The following ZNF610 variants were observed in gnomAD, a reference collection of about 807,000 sequenced individuals.
ZNF610 encodes zink finger protein.
A neutral mutation model predicts 14.1 loss-of-function variants in ZNF610; 14 were observed. The observed-to-expected ratio is 0.99, with a 90% CI of 0.65 to 1.55. The LOEUF (loss-of-function observed/expected upper bound fraction) is 1.55. Ranked by LOEUF, ZNF610 falls within the 40% of genes most tolerant of loss-of-function variation. The pLI, the probability that ZNF610 is intolerant of heterozygous loss-of-function variation, is 0.00. For synonymous variants in ZNF610, 185 were observed against 187.6 expected (o/e 0.99, Z 0.11); for missense variants, 530 against 558.0 (o/e 0.95, Z 0.51).
intron 1 of ZNF610, among the ~76,000 whole-genome samples, chr19:52,344,562 G>T (rs922837888): frequency 1.3e-5 from 2 of 152,116 alleles, no homozygotes; most frequent in African/African-American, 4.8e-5. Flanking sequence ...CATCTCTTGT[G>T]CCTCCTTACA....
At chr19:52,334,454 A>C (rs1381020830), upstream of ZNF610, among the ~76,000 whole-genome samples, 1 of 149,264 alleles carries the variant, frequency 6.7e-6, no homozygotes, top group East Asian at 2.0e-4. Context: ...TGGAGGTTGC[A>C]GTGAGCTGAG....
At chr19:52,353,108 T>C (rs2122230407) in intron 3 of ZNF610, among the ~76,000 whole-genome samples, 1 of 152,200 alleles carries the variant, frequency 6.6e-6, no homozygotes, top group African/African-American at 2.4e-5. Flanking sequence ...CTGGCTAATT[T>C]TTTGTATTTT....
At chr19:52,356,277 G>T (rs1012201752) in intron 5 of ZNF610, among the ~76,000 whole-genome samples, 2 of 152,210 alleles carry the variant, frequency 1.3e-5, no homozygotes, top group Non-Finnish European at 2.9e-5. Context: ...ACTCAGCTGA[G>T]TGGGGCAGAT....
chr19:52,367,131 CT>C lies in ZNF610; in HGVS notation c.*374del, dbSNP rs71335642. On this transcript the variant is annotated 3_prime_UTR_variant, in exon 6 of 6. Transcript: ENST00000403906. ...GTTTAAAGTTTTTTTTTAGTTTTTT[CT>C]TTTTTTTTTGAGACGAAGTCTCGCT... The C allele has an allele frequency of 1.8e-3, 305 of 174,108 alleles. No individual in the cohort carries two copies. Among genetic ancestry groups the C allele is most frequent in the Middle Eastern group, 9.7e-3 (4 of 412 alleles). 10.8% of individuals were successfully genotyped at this position (174,108 alleles called of 1,614,324 possible).
intron 5 of ZNF610, among the ~76,000 whole-genome samples, chr19:52,359,192 G>C (rs917735097): frequency 6.6e-6 from 1 of 152,136 alleles, no homozygotes; most frequent in African/African-American, 2.4e-5. Flanking sequence ...TTGGGATTTT[G>C]CTAAAGAGTT....
chr19:52,363,292 G>C (rs1238700146), intron 5 of ZNF610, among the ~76,000 whole-genome samples: 1 of 152,096 alleles, frequency 6.6e-6, no homozygotes, highest in African/African-American at 2.4e-5. Flanking sequence ...ACTGCATCCA[G>C]CTAATTTTTG....
Position 52,354,253 on chromosome 19 carries a change from ATC to A in ZNF610, c.195_196del (p.Ile65MetfsTer4). The A allele has an allele frequency of 1.2e-6, 2 of 1,613,552 alleles. No individual in the cohort carries two copies. The highest frequency in any genetic ancestry group is 1.7e-6 in the Non-Finnish European group (2 of 1,179,872). On this transcript the variant is annotated frameshift_variant, in exon 5 of 6. Transcript: ENST00000403906. LOFTEE classifies it high-confidence loss of function. ...ENYRNLVFLG[I>X]CLPDLSIISM... ...TGTTTCTTTCTTTTTATTAACAGGAATCTGTCTTCCTGACCTAAGTATTATTT... is the reference window on the plus strand; with the variant it reads ...TGTTTCTTTCTTTTTATTAACAGGAATGTCTTCCTGACCTAAGTATTATTT...
At chr19:52,342,733 G>A (rs1984746787) in intron 1 of ZNF610, among the ~76,000 whole-genome samples, 1 of 151,930 alleles carries the variant, frequency 6.6e-6, no homozygotes, top group African/African-American at 2.4e-5. Context: ...CACTGTGTTG[G>A]TCAGGCTGGT....
Position 52,367,002 on chromosome 19 carries a change from C to A in ZNF610, c.*235C>A. ...GAATAGAGCATTTAATGAAAACTAC[C>A]AGTATAGCATATTCTTGAGTAGGAT... On this transcript the variant is annotated 3_prime_UTR_variant, in exon 6 of 6. Coordinates refer to ENST00000403906, the MANE Select transcript of ZNF610 (RefSeq NM_001161425.2). The A allele has an allele frequency of 2.1e-6, 1 of 475,772 alleles. No homozygotes were observed. The allele number at this position is 475,772 out of a possible 1,614,324, so 29.5% of individuals were successfully genotyped here.
At chr19:52,338,701 CAT>C (rs1984496887) in intron 1 of ZNF610, among the ~76,000 whole-genome samples, 1 of 152,020 alleles carries the variant, frequency 6.6e-6, no homozygotes, top group Non-Finnish European at 1.5e-5. Flanking sequence ...TCTTAGTAAA[CAT>C]GTTTTTTTTT....
Position 52,367,124 on chromosome 19 carries a change from G to GT in ZNF610, c.*363dup, listed in dbSNP as rs1600243303. On this transcript the variant is annotated 3_prime_UTR_variant, in exon 6 of 6. Transcript: ENST00000403906. ...TAATAAAGTTTAAAGTTTTTTTTTAGTTTTTTCTTTTTTTTTTGAGACGAA... is the reference window on the plus strand; with the variant it reads ...TAATAAAGTTTAAAGTTTTTTTTTAGTTTTTTTCTTTTTTTTTTGAGACGAA... The GT allele has an allele frequency of 2.7e-5, 5 of 184,552 alleles. No individual in the cohort carries two copies. The East Asian group carries it at 6.5e-4, about 24-fold the overall frequency. 11.4% of individuals were successfully genotyped at this position (184,552 alleles called of 1,614,324 possible).
rs1986006806 is a variant in ZNF610, at chr19:52,365,926, T to G, written c.548T>G (p.Leu183Arg). The part of the protein sequence containing the change: ...THIFNKYRND[L>R]IDFPLLPQEE... ...ATTTTTAATAAATATAGAAATGATC[T>G]TATTGATTTCCCATTACTCCCACAA... The change falls in exon 6 of 6, where the codon CTT (leucine) becomes CGT (arginine). Residue 183 changes from leucine to arginine, a missense_variant. Leu to Arg is a moderately radical substitution (Grantham distance 102). Coordinates refer to ENST00000403906, the MANE Select transcript of ZNF610 (RefSeq NM_001161425.2). The G allele has an allele frequency of 6.2e-7, 1 of 1,612,924 alleles. No homozygotes were observed. The highest frequency in any genetic ancestry group is 8.5e-7 in the Non-Finnish European group (1 of 1,179,484).
chr19:52,354,539 A>C (rs1316480416), intron 5 of ZNF610, among the ~76,000 whole-genome samples, 160 bp downstream of exon 5: 1 of 151,396 alleles, frequency 6.6e-6, no homozygotes, highest in African/African-American at 2.4e-5. Flanking sequence ...TGGCCTCCCA[A>C]AGTTGTAGAT....
At chr19:52,341,634 TA>T (rs1395552847) in intron 1 of ZNF610, among the ~76,000 whole-genome samples, 1 of 151,982 alleles carries the variant, frequency 6.6e-6, no homozygotes, top group African/African-American at 2.4e-5. Context: ...ATTAATTATT[TA>T]TTTTTTTAAG....
chr19:52,348,414 T>G (rs754333301), intron 2 of ZNF610, among the ~76,000 whole-genome samples: 3 of 152,218 alleles, frequency 2.0e-5, no homozygotes. Context: ...CTTTTTTTTG[T>G]AATTATTTCA....
intron 1 of ZNF610, chr19:52,345,294 C>T (rs765840567): frequency 2.6e-5 from 4 of 152,186 alleles, no homozygotes; most frequent in Admixed American, 6.6e-5. Context: ...GATGGTGGTT[C>T]CGTAAGATTA....
At chr19:52,363,127 C>CTT (rs1280670705) in intron 5 of ZNF610, among the ~76,000 whole-genome samples, 8 of 141,808 alleles carry the variant, frequency 5.6e-5, no homozygotes, top group Non-Finnish European at 6.2e-5. Context: ...GTTCTATCCC[C>CTT]TTTTTTTTTT....
chr19:52,361,666 C>T (rs528755453), intron 5 of ZNF610, among the ~76,000 whole-genome samples: 2 of 151,668 alleles, frequency 1.3e-5, no homozygotes, highest in East Asian at 3.9e-4. Flanking sequence ...CATTATGTTG[C>T]TCAGGCTGAT....
chr19:52,356,700 G>T (rs1388683111), intron 5 of ZNF610, among the ~76,000 whole-genome samples: 1 of 151,970 alleles, frequency 6.6e-6, no homozygotes, highest in Non-Finnish European at 1.5e-5. Context: ...CAACACTTTT[G>T]CCAATTAAAT....
Sources: gnomAD v4.1 joint callset for allele counts (sites outside exome capture counted in the v4.1 genomes callset) on GRCh38, gnomAD v4.1.1 for gene constraint, MANE v1.5 for transcripts, NCBI Gene and HGNC (gene_info 2026-07-23, HGNC 2026-07-21) for gene names.